Variants in SMARCA2 observed in about 807,000 individuals in gnomAD.
SMARCA2 encodes the protein SWI/SNF-related matrix-associated actin-dependent regulator of chromatin subfamily A member 2.
SMARCA2 carries 61 observed loss-of-function variants against 199.8 expected under a neutral mutation model. That is an observed-to-expected ratio of 0.31 (90% CI 0.25 to 0.38). The LOEUF (loss-of-function observed/expected upper bound fraction) is 0.38, where lower values mean the gene tolerates loss of function less well. SMARCA2 is among the 10% of genes least tolerant of loss of function. SMARCA2 has a pLI of 1.00. For synonymous variants in SMARCA2, 935 were observed against 732.0 expected (o/e 1.28, Z -4.48); for missense variants, 1,344 against 2,012.2 (o/e 0.67, Z 6.35).
intron 28 of SMARCA2, among the ~76,000 whole-genome samples, chr9:2,165,636 T>G (rs763363483): frequency 6.6e-6 from 1 of 152,206 alleles, no homozygotes; most frequent in Admixed American, 6.5e-5. Context: ...TTTAGAAGCT[T>G]TTAAAAACTC....
intron 27 of SMARCA2, among the ~76,000 whole-genome samples, chr9:2,147,241 CAAAAAAA>C (rs5895958): frequency 3.8e-5 from 4 of 106,526 alleles, no homozygotes; most frequent in African/African-American, 1.0e-4. Flanking sequence ...ACTGAGTGAC[CAAAAAAA>C]AAAAAAAAAA....
At chr9:2,178,211 C>T (rs1826761311) in intron 29 of SMARCA2, among the ~76,000 whole-genome samples, 1 of 152,086 alleles carries the variant, frequency 6.6e-6, no homozygotes, top group Admixed American at 6.5e-5. Flanking sequence ...AGGTTCTTGT[C>T]CACCAACACC....
chr9:2,052,281 C>T (rs1820153907), intron 5 of SMARCA2, among the ~76,000 whole-genome samples: 1 of 152,224 alleles, frequency 6.6e-6, no homozygotes, highest in Admixed American at 6.5e-5. Flanking sequence ...TGAGACCAGC[C>T]TGGCCAACAT....
chr9:2,074,484 G>A (rs1821233610), intron 12 of SMARCA2, among the ~76,000 whole-genome samples: 1 of 152,126 alleles, frequency 6.6e-6, no homozygotes. Flanking sequence ...GTGGACCTGT[G>A]TTTTCCAAAT....
chr9:2,137,688 G>A (rs916871861), intron 27 of SMARCA2, among the ~76,000 whole-genome samples: 4 of 152,058 alleles, frequency 2.6e-5, no homozygotes, highest in Non-Finnish European at 4.4e-5. Flanking sequence ...ATAAAGCTCC[G>A]AGAAAGCCAG....
intron 27 of SMARCA2, chr9:2,160,413 A>T (rs1033882634): frequency 9.1e-6 from 5 of 549,150 alleles, no homozygotes; most frequent in African/African-American, 3.8e-5. Context: ...TAGAAAACAT[A>T]TTTTTTTAAA....
chr9:2,177,634 C>T lies in SMARCA2; in HGVS notation c.4254-3937C>T, dbSNP rs148867557. On this transcript the variant is annotated intron_variant, in intron 29 of 33. Transcript: ENST00000349721. ...GTGGCGCGATCTCAGCTCACCACAA[C>T]CTCCGCCTCCTGGGTTCAAGCAATT... Among the ~76,000 whole-genome samples the T allele has an allele frequency of 4.8e-3, 731 of 152,140 alleles. 6 individuals carry two copies. The highest frequency in any genetic ancestry group is 0.017 in the African/African-American group (702 of 41,506).
At chr9:2,091,757 A>G (rs1421537955) in intron 19 of SMARCA2, among the ~76,000 whole-genome samples, 1 of 152,188 alleles carries the variant, frequency 6.6e-6, no homozygotes, top group Admixed American at 6.5e-5. Context: ...CATTCTCATT[A>G]GTGCTTGCTA....
At chr9:2,150,369 G>A (rs1825000283) in intron 27 of SMARCA2, among the ~76,000 whole-genome samples, 1 of 151,614 alleles carries the variant, frequency 6.6e-6, no homozygotes, top group Non-Finnish European at 1.5e-5. Context: ...AGACCCTCAT[G>A]CCAGGCCCCA....
chr9:2,130,860 A>T (rs1823916406), intron 27 of SMARCA2, among the ~76,000 whole-genome samples: 1 of 152,162 alleles, frequency 6.6e-6, no homozygotes, highest in South Asian at 2.1e-4. Context: ...CCAGTGGGCC[A>T]CGGTTTTCCG....
chr9:2,034,018 G>A lies in SMARCA2; in HGVS notation c.355+937G>A, dbSNP rs572576820. 6.6e-5 allele frequency among the ~76,000 whole-genome samples: 10 copies of A among 152,010 alleles called. No homozygotes were observed. Among genetic ancestry groups the A allele is most frequent in the East Asian group, 1.9e-4 (1 of 5,188 alleles). ...TCCCAGCGCTTTGGGAGGCTGAGAC[G>A]GGCGGATCACGAGATCAAGAGATCG... On this transcript the variant is annotated intron_variant, in intron 3 of 33. Transcript: ENST00000349721.
At chr9:2,053,221 C>G (rs927951735) in intron 5 of SMARCA2, among the ~76,000 whole-genome samples, 1 of 152,050 alleles carries the variant, frequency 6.6e-6, no homozygotes, top group African/African-American at 2.4e-5. Context: ...TGAGAACATG[C>G]GGTATTTGGT....
At chr9:2,158,439 C>T (rs1435896714) in intron 27 of SMARCA2, 1 of 153,028 alleles carries the variant, frequency 6.5e-6, no homozygotes, top group African/African-American at 2.4e-5. Context: ...TTTTTTTCCC[C>T]GACTTCCTTC....
chr9:2,182,342 C>T, intron 31 of SMARCA2, 100 bp downstream of exon 31: 1 of 730,738 alleles, frequency 1.4e-6, no homozygotes, highest in Non-Finnish European at 2.3e-6. Flanking sequence ...ATCATTGCTA[C>T]TGGCAGAAGA....
intron 29 of SMARCA2, chr9:2,181,243 A>C (rs1827002196): frequency 9.6e-6 from 2 of 207,932 alleles, no homozygotes; most frequent in Admixed American, 1.2e-4. Flanking sequence ...TTCATTTAAA[A>C]ATGAAATTTT....
chr9:2,044,452 T>G (rs1819748181), intron 4 of SMARCA2: 1 of 152,236 alleles, frequency 6.6e-6, no homozygotes, highest in Admixed American at 6.5e-5. Context: ...TGGTACCGAA[T>G]TTCCTGAAAG....
intron 19 of SMARCA2, 190 bp from the exon 20 acceptor site, chr9:2,096,467 T>C: frequency 2.0e-6 from 1 of 506,520 alleles, no homozygotes; most frequent in Non-Finnish European, 3.6e-6. Context: ...CCCCCCATCA[T>C]AATGGTACCT....
At chr9:2,030,928 A>G (rs1335646070) in intron 2 of SMARCA2, among the ~76,000 whole-genome samples, 4 of 152,232 alleles carry the variant, frequency 2.6e-5, no homozygotes, top group African/African-American at 9.6e-5. Flanking sequence ...TCAAATTAGG[A>G]AAGTAATATA....
chr9:2,167,848 A>G (rs562684992), intron 28 of SMARCA2, among the ~76,000 whole-genome samples: 49 of 152,258 alleles, frequency 3.2e-4, no homozygotes, highest in Middle Eastern at 6.8e-3. Flanking sequence ...CTAGCTCATC[A>G]TGCAGTGGAA....
Sources: allele counts gnomAD v4.1 joint callset (sites outside exome capture counted in the v4.1 genomes callset), GRCh38; gene constraint gnomAD v4.1.1; transcripts MANE v1.5; gene names NCBI Gene and HGNC (gene_info 2026-07-23, HGNC 2026-07-21).